MGAT4C: variants seen among roughly 807,000 people sequenced by gnomAD.
The protein encoded by MGAT4C is MGAT4 family member C.
Under a neutral mutation model 40.1 loss-of-function variants are expected in MGAT4C, and 19 were observed. The ratio of observed to expected loss-of-function variants is 0.47; its 90% CI spans 0.33 to 0.70. The LOEUF (loss-of-function observed/expected upper bound fraction) is 0.70. Ranked by LOEUF, MGAT4C falls within the 30% of genes least tolerant of loss-of-function variation. The pLI is 0.02. For synonymous variants in MGAT4C, 181 were observed against 187.1 expected (o/e 0.97, Z 0.27); for missense variants, 491 against 563.2 (o/e 0.87, Z 1.30).
At chr12:86,006,445 TC>T (rs1887885364) in intron 2 of MGAT4C, among the ~76,000 whole-genome samples, 1 of 152,156 alleles carries the variant, frequency 6.6e-6, no homozygotes, top group Admixed American at 6.6e-5. Flanking sequence ...TTTCAGCTGG[TC>T]CTCAATGAGC....
At chr12:86,704,173 T>G (rs571091479) in intron 2 of MGAT4C, among the ~76,000 whole-genome samples, 1 of 152,138 alleles carries the variant, frequency 6.6e-6, no homozygotes, top group African/African-American at 2.4e-5. Flanking sequence ...AAAGAATGTA[T>G]GAAAAGGTTA....
chr12:86,774,143 C>A (rs948681897), intron 1 of MGAT4C, among the ~76,000 whole-genome samples: 1 of 150,954 alleles, frequency 6.6e-6, no homozygotes. Flanking sequence ...TAGTAAACAT[C>A]GGATTTCACT....
intron 2 of MGAT4C, among the ~76,000 whole-genome samples, chr12:86,442,090 G>A (rs7303116): frequency 0.064 from 9,777 of 152,070 alleles, 754 homozygotes; most frequent in East Asian, 0.24. Context: ...TTCTCTGATG[G>A]CCAGTGATGA....
intron 1 of MGAT4C, among the ~76,000 whole-genome samples, chr12:86,094,919 G>C (rs1294119567): frequency 2.0e-5 from 3 of 152,106 alleles, no homozygotes; most frequent in Admixed American, 6.6e-5. Context: ...AGAGACAAGA[G>C]TAGAGGCCAA....
In MGAT4C at chr12:85,982,471, G is replaced by A. The variant is rs187051590; in HGVS notation, c.295+1052C>T. Among the ~76,000 whole-genome samples the A allele has an allele frequency of 3.2e-4, 49 of 152,308 alleles. 1 individual carries two copies. Among genetic ancestry groups the A allele is most frequent in the South Asian group, 2.1e-4 (1 of 4,824 alleles). ...CCCAAAGTGCTGGGATTACAGGCAT[G>A]AGCCACCAAACCCAGCCTAAGATTT... On this transcript the variant is annotated intron_variant, in intron 4 of 4. Coordinates refer to ENST00000611864, the MANE Select transcript of MGAT4C (RefSeq NM_001351288.2).
intron 2 of MGAT4C, among the ~76,000 whole-genome samples, chr12:86,662,018 C>A (rs1202525169): frequency 6.6e-6 from 1 of 152,172 alleles, no homozygotes; most frequent in East Asian, 1.9e-4. Flanking sequence ...TTCTAATGTG[C>A]AGTCCACCAC....
intron 2 of MGAT4C, among the ~76,000 whole-genome samples, chr12:86,688,645 T>C (rs966240426): frequency 2.6e-5 from 4 of 152,204 alleles, no homozygotes; most frequent in Non-Finnish European, 4.4e-5. Context: ...TTGAAAATTC[T>C]TTTCTTCAAG....
chr12:86,421,782 A>G (rs1351042092), intron 3 of MGAT4C, among the ~76,000 whole-genome samples: 1 of 152,192 alleles, frequency 6.6e-6, no homozygotes, highest in Non-Finnish European at 1.5e-5. Flanking sequence ...CATCTCAAAC[A>G]AACAAAACCT....
rs192491125 is a variant in MGAT4C, at chr12:86,306,679, T to C, written c.-57+27386A>G. Among the ~76,000 whole-genome samples the C allele has an allele frequency of 3.4e-3, 509 of 150,626 alleles. 38 individuals carry two copies. The highest frequency in any genetic ancestry group is 0.012 in the African/African-American group (494 of 40,106). On this transcript the variant is annotated intron_variant, in intron 4 of 7. Transcript: ENST00000548651. Reference sequence around the variant, plus strand: ...AATGTAATAATATGCCTAGGATTTGTGCATTTTATTCTGTGGAAGTTTAAT... The same window carrying C: ...AATGTAATAATATGCCTAGGATTTGCGCATTTTATTCTGTGGAAGTTTAAT...
chr12:86,079,253 T>G (rs1870374312), intron 1 of MGAT4C, among the ~76,000 whole-genome samples: 2 of 152,138 alleles, frequency 1.3e-5, no homozygotes, highest in Non-Finnish European at 2.9e-5. Flanking sequence ...TAAATCAGAA[T>G]AGAGGGATTT....
intron 2 of MGAT4C, among the ~76,000 whole-genome samples, chr12:86,591,391 G>T (rs960546260): frequency 2.0e-5 from 3 of 151,828 alleles, no homozygotes; most frequent in African/African-American, 7.2e-5. Flanking sequence ...TGGCAATTAT[G>T]AAATTAAATC....
intron 2 of MGAT4C, among the ~76,000 whole-genome samples, chr12:86,602,033 T>A (rs1565876767): frequency 6.6e-6 from 1 of 152,130 alleles, no homozygotes; most frequent in Non-Finnish European, 1.5e-5. Flanking sequence ...TCTGGTCCAG[T>A]AGCAGCCTCG....
chr12:86,771,679 AAT>A lies in MGAT4C; in HGVS notation c.-261-44440_-261-44439del, dbSNP rs1048146237. Among the ~76,000 whole-genome samples, 20 of 140,400 alleles carry A rather than the reference AAT, an allele frequency of 1.4e-4. No homozygotes were observed. The East Asian group carries it at 2.2e-3, about 15-fold the overall frequency. 92.1% of individuals were successfully genotyped at this position (140,400 alleles called of 152,430 possible). On this transcript the variant is annotated intron_variant, in intron 1 of 7. Coordinates refer to the MGAT4C transcript ENST00000548651. ...TTGTTTATGTAAAAAAAAGTACATAAATATATATGTGTGTGTGTGTGTGTGTG... is the reference window on the plus strand; with the variant it reads ...TTGTTTATGTAAAAAAAAGTACATAAATATATGTGTGTGTGTGTGTGTGTG...
chr12:86,771,663 T>TA (rs1276105049), intron 1 of MGAT4C, among the ~76,000 whole-genome samples: 10 of 150,742 alleles, frequency 6.6e-5, no homozygotes, highest in African/African-American at 2.2e-4. Context: ...CTTGTTTATG[T>TA]AAAAAAAAGT....
intron 3 of MGAT4C, among the ~76,000 whole-genome samples, chr12:86,402,345 A>G (rs2136237558): frequency 6.6e-6 from 1 of 152,186 alleles, no homozygotes; most frequent in South Asian, 2.1e-4. Context: ...TAATTACTTG[A>G]ACCCAGGAGG....
intron 2 of MGAT4C, among the ~76,000 whole-genome samples, chr12:86,037,585 T>G (rs61931119): frequency 0.22 from 32,354 of 149,662 alleles, 6,088 homozygotes; most frequent in Non-Finnish European, 0.31. Context: ...TTAGTTTCCA[T>G]GTAGTTGTGC....
In MGAT4C at chr12:86,367,929, T is replaced by G. The variant is rs1438815834; in HGVS notation, c.-119-33802A>C. Reference sequence around the variant, plus strand: ...AGAAGCGCCTCTCAGGTTTGTTTTCTCTAAAATAAACCTATCCTTCACTGT... The same window carrying G: ...AGAAGCGCCTCTCAGGTTTGTTTTCGCTAAAATAAACCTATCCTTCACTGT... On this transcript the variant is annotated intron_variant, in intron 3 of 7. Coordinates refer to the MGAT4C transcript ENST00000548651. Among the ~76,000 whole-genome samples, 3 of 152,348 alleles carry G rather than the reference T, an allele frequency of 2.0e-5. No homozygotes were observed. In the East Asian group the frequency reaches 5.8e-4, roughly 29 times the overall value.
At chr12:86,031,354 T>G (rs1189145411) in intron 2 of MGAT4C, among the ~76,000 whole-genome samples, 1 of 151,868 alleles carries the variant, frequency 6.6e-6, no homozygotes, top group Non-Finnish European at 1.5e-5. Flanking sequence ...TTTCCGTCTC[T>G]GCTGCATTCT....
rs553791684 is a variant in MGAT4C at position 86,472,367 on chromosome 12, C to T, written c.-228-37102G>A. On this transcript the variant is annotated intron_variant, in intron 2 of 7. Coordinates refer to the MGAT4C transcript ENST00000548651. ...GGAAGTGCCTAAGGAGGTTTCCTGT[C>T]TTTAGCAAATATATTTATTGGTGAC... is the stretch of plus-strand genomic sequence containing the variant. 5.3e-5 allele frequency among the ~76,000 whole-genome samples: 8 copies of T among 152,224 alleles called. No homozygotes were observed. In the East Asian group the frequency reaches 1.4e-3, roughly 26 times the overall value.
Sources: allele counts gnomAD v4.1 joint callset (sites outside exome capture counted in the v4.1 genomes callset), GRCh38; gene constraint gnomAD v4.1.1; transcripts MANE v1.5; gene names NCBI Gene and HGNC (gene_info 2026-07-23, HGNC 2026-07-21).